BTNL8: variants seen among roughly 807,000 people sequenced by gnomAD.
BTNL8 encodes the protein butyrophilin like 8.
A neutral mutation model predicts 36.1 loss-of-function variants in BTNL8; 22 were observed. The observed-to-expected ratio is 0.61, with a 90% CI of 0.44 to 0.87. BTNL8 has a LOEUF of 0.87. Among genes scored for constraint, BTNL8 ranks in the 40% least tolerant of loss-of-function variants. The pLI, the probability that BTNL8 is intolerant of heterozygous loss-of-function variation, is 0.00. For missense variants in BTNL8, 526 were observed against 616.9 expected (o/e 0.85, Z 1.56); for synonymous variants, 203 against 235.6 (o/e 0.86, Z 1.27).
At chr5:180,914,905 C>T (rs1159227867) in intron 3 of BTNL8, among the ~76,000 whole-genome samples, 1 of 152,210 alleles carries the variant, frequency 6.6e-6, no homozygotes, top group African/African-American at 2.4e-5. Context: ...CGAGGTAACT[C>T]AGTGCCAAGA....
intron 1 of BTNL8, among the ~76,000 whole-genome samples, chr5:180,901,724 A>G (rs1050598844): frequency 6.6e-6 from 1 of 152,198 alleles, no homozygotes; most frequent in African/African-American, 2.4e-5. Context: ...GAGGACATAC[A>G]TGTACCAAGA....
intron 3 of BTNL8, among the ~76,000 whole-genome samples, chr5:180,941,352 C>T (rs1446788665): frequency 6.6e-6 from 1 of 152,172 alleles, no homozygotes; most frequent in Admixed American, 6.5e-5. Flanking sequence ...GACTTCACTG[C>T]TGGATTCTAT....
At chr5:180,911,209 G>T in intron 2 of BTNL8, 130 bp from the exon 3 acceptor site, 1 of 1,407,868 alleles carries the variant, frequency 7.1e-7, no homozygotes, top group Non-Finnish European at 9.7e-7. Context: ...TTTGCCAAAG[G>T]TCGTGGTTTT....
At position 180,899,348 on chromosome 5, in the gene BTNL8, A is replaced by T. The variant is rs1279524641; in HGVS notation, c.38A>T (p.Lys13Met). The change falls in exon 1 of 8, where the codon AAG (lysine) becomes ATG (methionine). Residue 13 changes from lysine to methionine, a missense_variant. Physicochemically the swap from Lys to Met is moderately conservative, Grantham distance 95. Coordinates refer to ENST00000340184, the MANE Select transcript of BTNL8 (RefSeq NM_001040462.3). ...CTCAGTTTGGTTCTGAGTCTCCTCA[A>T]GCTGGGATCAGGTAAGACTCATCTT... ...LMLSLVLSLLKLGSGQWQVFG... is the reference protein window; with the variant it reads ...LMLSLVLSLLMLGSGQWQVFG... 1 of 1,614,034 alleles carries T rather than the reference A, an allele frequency of 6.2e-7. No homozygotes were observed.
In BTNL8 at chr5:180,908,825, A is replaced by T. The variant is rs770010555; in HGVS notation, c.289A>T (p.Ile97Phe). 1 of 1,614,146 alleles carries T rather than the reference A, an allele frequency of 6.2e-7. No individual in the cohort carries two copies. The highest frequency in any genetic ancestry group is 1.1e-5 in the South Asian group (1 of 91,082). Residue 97 changes from isoleucine (I) to phenylalanine (F), a missense_variant, in exon 2 of 8, where the codon ATC (isoleucine) becomes TTC (phenylalanine). Around this residue, in one of 2 missense-constraint regions of BTNL8, gnomAD observed 350 missense variants for 324.6 expected, o/e 1.08. Transcript: ENST00000340184. Reference protein sequence around the residue: ...LVKDSIAEGRISLRLENITVL... With the variant: ...LVKDSIAEGRFSLRLENITVL... ...GAAGGATTCTATTGCGGAGGGGCGC[A>T]TCTCTCTGAGGCTGGAAAACATTAC... is the stretch of plus-strand genomic sequence containing the variant.
intron 3 of BTNL8, among the ~76,000 whole-genome samples, chr5:180,929,695 A>G (rs1354171195): frequency 6.6e-6 from 1 of 152,242 alleles, no homozygotes; most frequent in African/African-American, 2.4e-5. Flanking sequence ...CCTCTACACA[A>G]ATAAACTAGA....
chr5:180,939,893 T>C (rs554640074), intron 3 of BTNL8, among the ~76,000 whole-genome samples: 2 of 152,184 alleles, frequency 1.3e-5, no homozygotes, highest in Admixed American at 6.5e-5. Flanking sequence ...ATCAAATATA[T>C]TTTCAGGGCA....
intron 3 of BTNL8, among the ~76,000 whole-genome samples, chr5:180,915,587 G>A (rs1205604987): frequency 1.3e-5 from 2 of 152,190 alleles, no homozygotes; most frequent in African/African-American, 2.4e-5. Flanking sequence ...ACTGGTCAAG[G>A]TCTTTGTCTA....
chr5:180,908,285 C>G (rs561916928), intron 1 of BTNL8, among the ~76,000 whole-genome samples: 1 of 152,072 alleles, frequency 6.6e-6, no homozygotes, highest in African/African-American at 2.4e-5. Context: ...CAGGTGCGTC[C>G]GTCACCCCTT....
At chr5:180,927,686 C>T (rs1453828202) in intron 3 of BTNL8, among the ~76,000 whole-genome samples, 2 of 151,984 alleles carry the variant, frequency 1.3e-5, no homozygotes, top group Non-Finnish European at 2.9e-5. Flanking sequence ...GTGAAGCATA[C>T]ACAAGTATCA....
chr5:180,937,370 T>C (rs1758706304), intron 3 of BTNL8, among the ~76,000 whole-genome samples: 2 of 152,154 alleles, frequency 1.3e-5, no homozygotes, highest in Admixed American at 6.5e-5. Flanking sequence ...GCCTACAACA[T>C]TGACACACTT....
intron 3 of BTNL8, among the ~76,000 whole-genome samples, chr5:180,942,470 C>T (rs1186139675): frequency 6.6e-6 from 1 of 152,140 alleles, no homozygotes; most frequent in African/African-American, 2.4e-5. Flanking sequence ...CCACAAAAGA[C>T]TCCAAACAGC....
At chr5:180,929,835 C>A (rs2113827857) in intron 3 of BTNL8, among the ~76,000 whole-genome samples, 1 of 152,210 alleles carries the variant, frequency 6.6e-6, no homozygotes, top group South Asian at 2.1e-4. Flanking sequence ...GCCTACCAAT[C>A]AAAAAAGGCC....
At chr5:180,941,984 T>G (rs996664668) in intron 3 of BTNL8, among the ~76,000 whole-genome samples, 1 of 151,038 alleles carries the variant, frequency 6.6e-6, no homozygotes, top group Admixed American at 6.6e-5. Flanking sequence ...GCATCTAAAT[T>G]GGAAAGGAGA....
At chr5:180,901,061 G>A (rs1756804219) in intron 1 of BTNL8, among the ~76,000 whole-genome samples, 1 of 152,224 alleles carries the variant, frequency 6.6e-6, no homozygotes, top group Non-Finnish European at 1.5e-5. Context: ...TCAGGGTTGG[G>A]TGGTGAGGAG....
At chr5:180,933,898 C>T (rs1758518926) in intron 3 of BTNL8, among the ~76,000 whole-genome samples, 1 of 151,700 alleles carries the variant, frequency 6.6e-6, no homozygotes, top group Non-Finnish European at 1.5e-5. Context: ...CAAACTCTTC[C>T]AAAAAATGAC....
chr5:180,947,244 A>T (rs1162560187), intron 3 of BTNL8, among the ~76,000 whole-genome samples: 3 of 152,206 alleles, frequency 2.0e-5, no homozygotes, highest in African/African-American at 7.2e-5. Context: ...CAGAAAGCTT[A>T]TTGGGTCAGA....
intron 3 of BTNL8, among the ~76,000 whole-genome samples, chr5:180,925,517 G>A (rs1346918424): frequency 6.6e-6 from 1 of 152,144 alleles, no homozygotes; most frequent in Non-Finnish European, 1.5e-5. Context: ...AAGTGTTGAA[G>A]GAAAAGATTG....
At chr5:180,909,542 G>A in intron 2 of BTNL8, 2 of 985,886 alleles carry the variant, frequency 2.0e-6, no homozygotes, top group Non-Finnish European at 2.4e-6. Flanking sequence ...AATGCTCTGT[G>A]TTAACTTGAC....
Sources: allele counts gnomAD v4.1 joint callset (sites outside exome capture counted in the v4.1 genomes callset), GRCh38; gene constraint gnomAD v4.1.1; regional missense constraint gnomAD v4.1.1; transcripts MANE v1.5; gene names NCBI Gene and HGNC (gene_info 2026-07-23, HGNC 2026-07-21).